DOCK1: variants seen among roughly 807,000 people sequenced by gnomAD.
DOCK1 encodes dedicator of cytokinesis protein 1.
Under a neutral mutation model 262.7 loss-of-function variants are expected in DOCK1, and 138 were observed. The ratio of observed to expected loss-of-function variants is 0.53; its 90% CI spans 0.46 to 0.61. The LOEUF is 0.61. DOCK1 is among the 20% of genes least tolerant of loss of function. The pLI is 0.00. For synonymous variants in DOCK1, 866 were observed against 867.4 expected (o/e 1.00, Z 0.03); for missense variants, 1,908 against 2,370.7 (o/e 0.80, Z 4.05).
chr10:127,223,269 A>G (rs1184326864), intron 27 of DOCK1, among the ~76,000 whole-genome samples: 1 of 152,222 alleles, frequency 6.6e-6, no homozygotes, highest in Non-Finnish European at 1.5e-5. Flanking sequence ...TGTATACAAA[A>G]GCAAATCAAC....
intron 48 of DOCK1, among the ~76,000 whole-genome samples, chr10:127,436,514 G>A (rs2069697809): frequency 6.6e-6 from 1 of 152,056 alleles, no homozygotes; most frequent in African/African-American, 2.4e-5. Context: ...GTGAGACTCT[G>A]TTTCAGAAAA....
rs74721427 is a variant in DOCK1, at chr10:127,130,065, C to CTTTTTTTTT, written c.2847+2324_2847+2332dup. Reference sequence around the variant, plus strand: ...CAATCCTGCCTCCAGTTAGGGTCTTCTTTTTTTTTTTTTTTTTTTTTTTTT... The same window carrying CTTTTTTTTT: ...CAATCCTGCCTCCAGTTAGGGTCTTCTTTTTTTTTTTTTTTTTTTTTTTTTTTTTTTTTT... On this transcript the variant is annotated intron_variant, in intron 27 of 51. Transcript: ENST00000623213. Among the ~76,000 whole-genome samples, 178 of 117,518 alleles carry CTTTTTTTTT rather than the reference C, an allele frequency of 1.5e-3. 22 individuals carry two copies. The highest frequency in any genetic ancestry group is 6.7e-3 in the African/African-American group (171 of 25,354). The allele number at this position is 117,518 out of a possible 152,430, so 77.1% of individuals were successfully genotyped here.
intron 27 of DOCK1, among the ~76,000 whole-genome samples, chr10:127,203,485 T>G (rs1297599032): frequency 6.6e-6 from 1 of 152,170 alleles, no homozygotes; most frequent in Non-Finnish European, 1.5e-5. Context: ...GGCTCATGGG[T>G]GATGTGATAA....
intron 16 of DOCK1, among the ~76,000 whole-genome samples, chr10:127,029,183 G>A (rs1372940006): frequency 1.3e-5 from 2 of 152,234 alleles, no homozygotes; most frequent in Non-Finnish European, 2.9e-5. Flanking sequence ...GCCACAGCTT[G>A]TGGGATTTTG....
At chr10:126,921,243 A>G (rs990183430) in intron 1 of DOCK1, among the ~76,000 whole-genome samples, 1 of 151,860 alleles carries the variant, frequency 6.6e-6, no homozygotes, top group Non-Finnish European at 1.5e-5. Flanking sequence ...GTTATTTACA[A>G]TTGTTCGTAG....
chr10:127,247,148 C>T (rs570281688), intron 27 of DOCK1, among the ~76,000 whole-genome samples: 3 of 152,336 alleles, frequency 2.0e-5, no homozygotes, highest in Admixed American at 6.5e-5. Context: ...TGCACACCCA[C>T]GTCCACACAC....
chr10:126,994,185 C>G (rs2040002365), intron 6 of DOCK1, among the ~76,000 whole-genome samples: 1 of 152,174 alleles, frequency 6.6e-6, no homozygotes, highest in African/African-American at 2.4e-5. Context: ...GATCACAACT[C>G]TTGATCTCTT....
chr10:127,294,165 G>C (rs1036131790), intron 29 of DOCK1, among the ~76,000 whole-genome samples: 4 of 152,114 alleles, frequency 2.6e-5, no homozygotes, highest in African/African-American at 9.7e-5. Flanking sequence ...ATGGTACTTG[G>C]GGTGTCCAGT....
At chr10:127,406,356 G>C (rs1430263491) in intron 40 of DOCK1, among the ~76,000 whole-genome samples, 1 of 152,202 alleles carries the variant, frequency 6.6e-6, no homozygotes, top group Non-Finnish European at 1.5e-5. Flanking sequence ...GGCTCCAGGG[G>C]CGGTGCTGGG....
At chr10:126,992,724 CCCCCCCA>C (rs751336749) in intron 6 of DOCK1, among the ~76,000 whole-genome samples, 2,903 of 23,830 alleles carry the variant, frequency 0.12, 40 homozygotes, top group Admixed American at 0.15. Flanking sequence ...GGCACACAGA[CCCCCCCA>C]ACACAGACAC....
At chr10:127,290,213 G>A (rs2061302981) in intron 29 of DOCK1, among the ~76,000 whole-genome samples, 1 of 152,030 alleles carries the variant, frequency 6.6e-6, no homozygotes, top group South Asian at 2.1e-4. Flanking sequence ...AATGAATGCT[G>A]TAGATCATAT....
chr10:127,435,160 C>G (rs984796050), intron 48 of DOCK1, among the ~76,000 whole-genome samples: 4 of 152,140 alleles, frequency 2.6e-5, no homozygotes, highest in African/African-American at 9.7e-5. Context: ...GAGCGGCAAG[C>G]ATGTAAAGTT....
In DOCK1 at chr10:127,012,480, T is replaced by A; in HGVS notation, c.1201+106T>A. ...ATGTTGATCATGATGGTGGTGATAA[T>A]GATGGGGATGACAGTGATCGTGGTG... is the stretch of plus-strand genomic sequence containing the variant. On this transcript the variant is annotated intron_variant, in intron 12 of 51. Coordinates refer to ENST00000623213, the MANE Select transcript of DOCK1 (RefSeq NM_001290223.2). This position sits in a 1 kb window ranked among gnomAD's most constrained non-coding sequence, Gnocchi z 4.0. The A allele has an allele frequency of 1.1e-6, 1 of 919,888 alleles. No individual in the cohort carries two copies. Among genetic ancestry groups the A allele is most frequent in the Non-Finnish European group, 1.7e-6 (1 of 575,756 alleles). 57.0% of individuals were successfully genotyped at this position (919,888 alleles called of 1,614,324 possible). A position where few individuals can be genotyped will look rare whatever the true frequency, so the allele number is the denominator to read the frequency against.
intron 33 of DOCK1, among the ~76,000 whole-genome samples, chr10:127,370,565 C>G (rs1205637940): frequency 6.6e-6 from 1 of 152,186 alleles, no homozygotes. Context: ...ATTATGCGTT[C>G]CAAACCAAAT....
intron 27 of DOCK1, among the ~76,000 whole-genome samples, chr10:127,172,320 C>T (rs1207612623): frequency 1.3e-5 from 2 of 152,132 alleles, no homozygotes; most frequent in Admixed American, 6.5e-5. Flanking sequence ...CCATGGAAAT[C>T]AGCAGATGCT....
chr10:126,954,422 G>A (rs1022441046), intron 1 of DOCK1, among the ~76,000 whole-genome samples: 4 of 152,188 alleles, frequency 2.6e-5, no homozygotes, highest in African/African-American at 9.7e-5. Flanking sequence ...CTTTATTGTG[G>A]CAAGATATAT....
At chr10:127,310,668 T>C (rs2062032653) in intron 29 of DOCK1, among the ~76,000 whole-genome samples, 2 of 152,194 alleles carry the variant, frequency 1.3e-5, no homozygotes, top group East Asian at 3.9e-4. Context: ...ATTTCTCATA[T>C]TGGATTTTCA....
At chr10:126,946,085 C>T (rs931815013) in intron 1 of DOCK1, among the ~76,000 whole-genome samples, 3 of 152,150 alleles carry the variant, frequency 2.0e-5, no homozygotes, top group African/African-American at 4.8e-5. Flanking sequence ...TGGCATATTA[C>T]ATTAATTTTT....
At chr10:127,252,579 G>T (rs1331987275) in intron 28 of DOCK1, among the ~76,000 whole-genome samples, 2 of 149,856 alleles carry the variant, frequency 1.3e-5, no homozygotes, top group Non-Finnish European at 3.0e-5. Context: ...TGTAAGGAAG[G>T]GTTCCAGTTT....
Sources: allele counts gnomAD v4.1 joint callset (sites outside exome capture counted in the v4.1 genomes callset), GRCh38; gene constraint gnomAD v4.1.1; non-coding constraint Gnocchi (gnomAD v3.1); transcripts MANE v1.5; gene names NCBI Gene and HGNC (gene_info 2026-07-23, HGNC 2026-07-21).